Variants in FAM193A observed in about 807,000 individuals in gnomAD.
The protein encoded by FAM193A is family with sequence similarity 193 member A, also known as protein FAM193A.
Under a neutral mutation model 126.5 loss-of-function variants are expected in FAM193A, and 22 were observed. The ratio of observed to expected loss-of-function variants is 0.17; its 90% confidence interval spans 0.12 to 0.25. FAM193A has a LOEUF of 0.25. Among genes scored for constraint, FAM193A ranks in the 10% least tolerant of loss-of-function variants. FAM193A has a pLI of 1.00. For synonymous variants in FAM193A, 761 were observed against 646.8 expected, an observed-to-expected ratio of 1.18 and a Z score of -2.68; for missense variants, 1,675 against 1,672.8, an observed-to-expected ratio of 1.00 and a Z score of -0.02.
intron 14 of FAM193A, among the ~76,000 whole-genome samples, chr4:2,690,437 G>A (rs1716236748): frequency 6.6e-6 from 1 of 152,168 alleles, no homozygotes; most frequent in South Asian, 2.1e-4. Flanking sequence ...TCTTAGGATG[G>A]GAGTAATAGT....
chr4:2,718,756 T>G (rs1359940274), intron 20 of FAM193A, among the ~76,000 whole-genome samples: 2 of 151,872 alleles, frequency 1.3e-5, no homozygotes, highest in East Asian at 3.9e-4. Context: ...TGTGTAAATA[T>G]ATAAGTGAAA....
chr4:2,562,265 T>A (rs576187501), intron 1 of FAM193A, among the ~76,000 whole-genome samples: 2 of 152,070 alleles, frequency 1.3e-5, no homozygotes, highest in African/African-American at 4.8e-5. Context: ...CTGGGCAACA[T>A]AGGGAGACCC....
intron 2 of FAM193A, chr4:2,607,843 A>T (rs1332282064): frequency 3.8e-5 from 23 of 597,898 alleles, no homozygotes; most frequent in Non-Finnish European, 6.4e-5. Context: ...CTTTATATAC[A>T]CTCAGTAGCA....
intron 13 of FAM193A, among the ~76,000 whole-genome samples, chr4:2,673,015 A>T (rs1182619752): frequency 6.6e-6 from 1 of 152,186 alleles, no homozygotes; most frequent in South Asian, 2.1e-4. Context: ...TTCTTCCCAG[A>T]GAACCTCATG....
chr4:2,560,663 G>A (rs568906736), intron 1 of FAM193A, among the ~76,000 whole-genome samples: 10 of 152,312 alleles, frequency 6.6e-5, no homozygotes, highest in African/African-American at 2.2e-4. Flanking sequence ...TGGAAACTCA[G>A]TGCAGAATTT....
rs149624133 is a variant in FAM193A at position 2,695,216 on chromosome 4, G to A, written c.3276+87G>A. On this transcript the variant is annotated intron_variant, in intron 17 of 20. Coordinates refer to ENST00000637812, the MANE Select transcript of FAM193A (RefSeq NM_001366318.2). The stretch of plus-strand genomic sequence containing the variant: ...AGAAATTCTGTACTAGGTTGAATTC[G>A]GGGTATATTCCACTTCTAGGGTATA... The A allele has an allele frequency of 2.7e-4, 316 of 1,165,240 alleles. 1 individual carries two copies. The African/African-American group carries it at 4.4e-3, about 16-fold the overall frequency. 72.2% of individuals were successfully genotyped at this position (1,165,240 alleles called of 1,614,324 possible).
At chr4:2,603,309 A>C (rs923968277) in intron 2 of FAM193A, among the ~76,000 whole-genome samples, 1 of 137,124 alleles carries the variant, frequency 7.3e-6, no homozygotes, top group African/African-American at 2.7e-5. Flanking sequence ...TTTGAGATGG[A>C]GTTTCACGCT....
At chr4:2,541,732 C>T (rs988136440) in intron 1 of FAM193A, among the ~76,000 whole-genome samples, 2 of 152,176 alleles carry the variant, frequency 1.3e-5, no homozygotes, top group African/African-American at 4.8e-5. Context: ...GTGTGACCCA[C>T]TGCAGCCTCT....
chr4:2,723,868 CACGG>C (rs1162806327), intron 20 of FAM193A, among the ~76,000 whole-genome samples: 2 of 152,074 alleles, frequency 1.3e-5, no homozygotes, highest in Admixed American at 6.6e-5. Context: ...GTGGTGCAAT[CACGG>C]CTCACTGCAG....
At chr4:2,583,917 C>G (rs1378861764) in intron 1 of FAM193A, among the ~76,000 whole-genome samples, 1 of 152,094 alleles carries the variant, frequency 6.6e-6, no homozygotes, top group African/African-American at 2.4e-5. Flanking sequence ...TCTCTTCATC[C>G]TAGGGCAGAA....
intron 2 of FAM193A, among the ~76,000 whole-genome samples, chr4:2,605,219 A>C (rs1483545232): frequency 6.6e-6 from 1 of 152,054 alleles, no homozygotes; most frequent in African/African-American, 2.4e-5. Flanking sequence ...GTTGCTGTTA[A>C]CCCAGATCCC....
chr4:2,618,616 A>G lies in FAM193A; in HGVS notation c.502-6646A>G, dbSNP rs1255423462. The stretch of plus-strand genomic sequence containing the variant: ...CTTTTTTTTTTTTTTTTTTTTTGAG[A>G]CGAAGTTTTGCTCTTGTTGCCCAGG... On this transcript the variant is annotated intron_variant, in intron 2 of 20. Transcript: ENST00000637812. Among the ~76,000 whole-genome samples the G allele has an allele frequency of 3.3e-5, 3 of 89,664 alleles. No homozygotes were observed. In the East Asian group the frequency reaches 9.2e-4, roughly 27 times the overall value. The allele number at this position is 89,664 out of a possible 152,430, so 58.8% of individuals were successfully genotyped here. A position where few individuals can be genotyped will look rare whatever the true frequency, so the allele number is the denominator to read the frequency against.
At position 2,672,973 on chromosome 4, in the gene FAM193A, G is replaced by A. The variant is rs775336581; in HGVS notation, c.2331+601G>A. Among the ~76,000 whole-genome samples, 10 of 152,204 alleles carry A rather than the reference G, an allele frequency of 6.6e-5. No individual in the cohort carries two copies. The South Asian group carries it at 2.1e-3, about 31-fold the overall frequency. The stretch of plus-strand genomic sequence containing the variant: ...GAAGAGCCCATTCAGGAAGTGGAGT[G>A]AGGATGTAGAAATAAGTTGATTTTT... On this transcript the variant is annotated intron_variant, in intron 13 of 20. Coordinates refer to ENST00000637812, the MANE Select transcript of FAM193A (RefSeq NM_001366318.2).
chr4:2,705,003 C>T (rs902494849), intron 19 of FAM193A, among the ~76,000 whole-genome samples: 2 of 152,162 alleles, frequency 1.3e-5, no homozygotes, highest in African/African-American at 4.8e-5. Flanking sequence ...GCTCCGCCTC[C>T]GGGGGTCACG....
rs968510592 is a variant in FAM193A at position 2,659,590 on chromosome 4, C to G, written c.1422C>G (p.Asn474Lys). The change falls in exon 9 of 21, where the codon AAC (asparagine) becomes AAG (lysine). Residue 474 changes from asparagine (N) to lysine (K), a missense_variant. Transcript: ENST00000637812. ...ATAAGAAAGCAGTTACTGGCGAGAA[C>G]AACTTCACAGACACCATGAGGCACA... ...LTNKKAVTGE[N>K]NFTDTMRHML... 1.1e-5 allele frequency: 17 copies of G among 1,613,994 alleles called. No homozygotes were observed. The highest frequency in any genetic ancestry group is 1.4e-5 in the Non-Finnish European group (17 of 1,180,010).
intron 1 of FAM193A, among the ~76,000 whole-genome samples, chr4:2,586,968 A>G (rs533458661): frequency 6.6e-6 from 1 of 152,290 alleles, no homozygotes; most frequent in African/African-American, 2.4e-5. Flanking sequence ...TAGCTTTTTA[A>G]TAAGCCTTAA....
intron 13 of FAM193A, among the ~76,000 whole-genome samples, chr4:2,679,375 CTTTTTTTT>C (rs796366785): frequency 9.1e-5 from 8 of 87,896 alleles, no homozygotes; most frequent in Admixed American, 2.8e-4. Context: ...AGTTTTCTTT[CTTTTTTTT>C]TTTTTTTTTT....
intron 20 of FAM193A, among the ~76,000 whole-genome samples, chr4:2,728,982 G>T (rs1306220681): frequency 7.3e-6 from 1 of 136,978 alleles, no homozygotes; most frequent in African/African-American, 2.8e-5. Flanking sequence ...CGCATTCTCA[G>T]TTTGTTACAG....
intron 18 of FAM193A, among the ~76,000 whole-genome samples, chr4:2,698,051 C>T (rs926312604): frequency 4.6e-5 from 7 of 152,218 alleles, no homozygotes; most frequent in South Asian, 2.1e-4. Flanking sequence ...AGTCCCACCT[C>T]GAGGGACCAC....
Sources: gnomAD v4.1 joint callset for allele counts (sites outside exome capture counted in the v4.1 genomes callset) on GRCh38, gnomAD v4.1.1 for gene constraint, MANE v1.5 for transcripts, NCBI Gene and HGNC (gene_info 2026-07-23, HGNC 2026-07-21) for gene names.